MEIS2: variants seen among roughly 807,000 people sequenced by gnomAD.
MEIS2 encodes the protein Meis homeobox 2.
Under a neutral mutation model 58.6 loss-of-function variants are expected in MEIS2, and 9 were observed. The observed-to-expected ratio is 0.15, with a 90% CI of 0.09 to 0.27. The LOEUF (loss-of-function observed/expected upper bound fraction) is 0.27, where lower values mean the gene tolerates loss of function less well. Ranked by LOEUF, MEIS2 falls within the 10% of genes least tolerant of loss-of-function variation. MEIS2 has a pLI of 1.00. For missense variants in MEIS2, 427 were observed against 635.0 expected, an observed-to-expected ratio of 0.67 and a Z score of 3.52; for synonymous variants, 221 against 228.4, an observed-to-expected ratio of 0.97 and a Z score of 0.29.
At chr15:37,078,659 C>T (rs1891784263) in intron 7 of MEIS2, among the ~76,000 whole-genome samples, 1 of 144,198 alleles carries the variant, frequency 6.9e-6, no homozygotes, top group Non-Finnish European at 1.5e-5. Context: ...TCATTTTCTA[C>T]CTCTGTCCAC....
chr15:37,072,891 C>G (rs1036859090), intron 7 of MEIS2, among the ~76,000 whole-genome samples: 2 of 151,960 alleles, frequency 1.3e-5, no homozygotes, highest in Non-Finnish European at 2.9e-5. Flanking sequence ...ACAGATGTTT[C>G]AGACAGAAGT....
intron 8 of MEIS2, among the ~76,000 whole-genome samples, chr15:36,959,139 G>A (rs1226509141): frequency 5.3e-5 from 8 of 152,098 alleles, no homozygotes; most frequent in African/African-American, 4.8e-5. Flanking sequence ...GCCAAACCTC[G>A]CTGGCTTTCC....
intron 7 of MEIS2, among the ~76,000 whole-genome samples, chr15:37,057,810 G>C (rs1567237254): frequency 6.6e-6 from 1 of 152,126 alleles, no homozygotes; most frequent in African/African-American, 2.4e-5. Flanking sequence ...ACAGACGACA[G>C]GGTAAAGAGA....
At chr15:36,991,757 A>AAAGTGTT (rs1378979389) in intron 8 of MEIS2, among the ~76,000 whole-genome samples, 2 of 149,436 alleles carry the variant, frequency 1.3e-5, no homozygotes, top group Non-Finnish European at 3.0e-5. Flanking sequence ...AGTACATATT[A>AAAGTGTT]AAGTGTTAAT....
At chr15:36,953,625 C>T (rs1016072175) in intron 8 of MEIS2, among the ~76,000 whole-genome samples, 12 of 152,064 alleles carry the variant, frequency 7.9e-5, no homozygotes, top group Non-Finnish European at 1.6e-4. Context: ...TTTCACATCT[C>T]GAAAGAATTC....
chr15:37,021,368 T>A (rs533294891), intron 8 of MEIS2, among the ~76,000 whole-genome samples: 1 of 152,270 alleles, frequency 6.6e-6, no homozygotes, highest in African/African-American at 2.4e-5. Context: ...AATGTTGACT[T>A]TTAAGCCACT....
chr15:37,031,865 G>A (rs2061942973), intron 8 of MEIS2, among the ~76,000 whole-genome samples: 1 of 146,386 alleles, frequency 6.8e-6, no homozygotes, highest in East Asian at 2.0e-4. Flanking sequence ...GTGTGTCTGG[G>A]TTTCATTCCG....
chr15:36,972,061 A>C (rs1595843125), intron 8 of MEIS2, among the ~76,000 whole-genome samples: 1 of 152,240 alleles, frequency 6.6e-6, no homozygotes, highest in East Asian at 1.9e-4. Flanking sequence ...AGTAACAGAA[A>C]CTATAAATGT....
At chr15:36,902,897 A>C (rs1454821199) in intron 9 of MEIS2, among the ~76,000 whole-genome samples, 1 of 152,236 alleles carries the variant, frequency 6.6e-6, no homozygotes, top group Non-Finnish European at 1.5e-5. Context: ...AACAGAGGCT[A>C]TCTCTCAGGC....
intron 8 of MEIS2, among the ~76,000 whole-genome samples, chr15:36,960,478 A>C (rs2059144004): frequency 6.6e-6 from 1 of 152,150 alleles, no homozygotes; most frequent in Admixed American, 6.6e-5. Flanking sequence ...CATATTATGG[A>C]GAAAGTCTCA....
intron 7 of MEIS2, among the ~76,000 whole-genome samples, chr15:37,062,736 A>G (rs960242080): frequency 1.3e-5 from 2 of 152,226 alleles, no homozygotes; most frequent in Non-Finnish European, 2.9e-5. Flanking sequence ...GAAGAATTTA[A>G]CCAAATTTAC....
intron 7 of MEIS2, among the ~76,000 whole-genome samples, chr15:37,071,160 A>AT (rs1567256644): frequency 6.6e-6 from 1 of 152,178 alleles, no homozygotes. Flanking sequence ...AATAATTATT[A>AT]TTGAAGGCCT....
chr15:36,982,773 T>C (rs1416640860), intron 8 of MEIS2, among the ~76,000 whole-genome samples: 5 of 152,130 alleles, frequency 3.3e-5, no homozygotes, highest in African/African-American at 7.2e-5. Flanking sequence ...CCCACCAACA[T>C]TGTGTCAGGG....
intron 8 of MEIS2, among the ~76,000 whole-genome samples, chr15:36,995,999 A>ATGTG (rs1429615951): frequency 3.0e-4 from 31 of 102,620 alleles, no homozygotes; most frequent in African/African-American, 1.0e-3. Context: ...ATATATATAT[A>ATGTG]TATGTATATA....
At chr15:36,908,018 AATT>A (rs2141256907) in intron 9 of MEIS2, among the ~76,000 whole-genome samples, 1 of 152,330 alleles carries the variant, frequency 6.6e-6, no homozygotes, top group South Asian at 2.1e-4. Context: ...TAGCTTTAAA[AATT>A]ATTATGAAAA....
chr15:36,897,665 G>A (rs2056250025), intron 9 of MEIS2: 1 of 152,066 alleles, frequency 6.6e-6, no homozygotes, highest in Admixed American at 6.5e-5. Context: ...TGCACTTAAC[G>A]ACGTGTATTC....
intron 10 of MEIS2, 81 bp downstream of exon 10, chr15:36,896,547 C>A: frequency 1.9e-6 from 2 of 1,067,854 alleles, no homozygotes; most frequent in Non-Finnish European, 2.6e-6. Context: ...ACTTATTTAT[C>A]AGATGAGGAA....
At chr15:37,015,398 C>T (rs1032093632) in intron 8 of MEIS2, among the ~76,000 whole-genome samples, 15 of 152,110 alleles carry the variant, frequency 9.9e-5, no homozygotes, top group Non-Finnish European at 1.5e-5. Context: ...ATTCATAAAA[C>T]TGTAGATAAT....
At chr15:36,912,651 G>A (rs546725149) in intron 9 of MEIS2, among the ~76,000 whole-genome samples, 8 of 152,232 alleles carry the variant, frequency 5.3e-5, no homozygotes, top group South Asian at 2.1e-4. Flanking sequence ...GCAATGAGGC[G>A]ACATCAAAGC....
Sources: gnomAD v4.1 joint callset for allele counts (sites outside exome capture counted in the v4.1 genomes callset) on GRCh38, gnomAD v4.1.1 for gene constraint, MANE v1.5 for transcripts, NCBI Gene and HGNC (gene_info 2026-07-23, HGNC 2026-07-21) for gene names.